DAPK1: variants seen among roughly 807,000 people sequenced by gnomAD.
DAPK1 encodes death-associated protein kinase 1.
Under a neutral mutation model 144.9 loss-of-function variants are expected in DAPK1, and 56 were observed. The ratio of observed to expected loss-of-function variants is 0.39; its 90% confidence interval spans 0.31 to 0.48. The LOEUF is 0.48. Ranked by LOEUF, DAPK1 falls within the 20% of genes least tolerant of loss-of-function variation. The pLI is 0.95. For synonymous variants in DAPK1, 690 were observed against 749.0 expected, an observed-to-expected ratio of 0.92 and a Z score of 1.29; for missense variants, 1,454 against 1,875.4, an observed-to-expected ratio of 0.78 and a Z score of 4.15.
chr9:87,524,417 G>C (rs930981516), intron 2 of DAPK1, among the ~76,000 whole-genome samples: 1 of 152,186 alleles, frequency 6.6e-6, no homozygotes. Context: ...GATCAGTTCT[G>C]TGTGTTCCCT....
intron 2 of DAPK1, among the ~76,000 whole-genome samples, chr9:87,516,465 C>T (rs1297062508): frequency 1.3e-5 from 2 of 152,108 alleles, no homozygotes; most frequent in Non-Finnish European, 2.9e-5. Context: ...GCTATCTGAC[C>T]TTGCTTCCCC....
chr9:87,596,897 G>A (rs1828336745), intron 2 of DAPK1, among the ~76,000 whole-genome samples: 1 of 152,170 alleles, frequency 6.6e-6, no homozygotes, highest in Non-Finnish European at 1.5e-5. Flanking sequence ...AGGGGGTTTT[G>A]CCTGGGTCTC....
intron 4 of DAPK1, among the ~76,000 whole-genome samples, chr9:87,638,568 C>T (rs1829982602): frequency 6.6e-6 from 1 of 152,208 alleles, no homozygotes; most frequent in South Asian, 2.1e-4. Context: ...TGTAAGCCGT[C>T]CTCCCAGCCA....
chr9:87,701,861 T>C (rs745910945), intron 24 of DAPK1: 15 of 470,318 alleles, frequency 3.2e-5, no homozygotes, highest in South Asian at 2.2e-4. Flanking sequence ...ACACCAGATA[T>C]CCTCGTTGGG....
intron 3 of DAPK1, among the ~76,000 whole-genome samples, chr9:87,617,472 G>C (rs1829136947): frequency 6.6e-6 from 1 of 152,112 alleles, no homozygotes; most frequent in African/African-American, 2.4e-5. Context: ...CGTTTATAAT[G>C]GATGCAATGG....
intron 2 of DAPK1, among the ~76,000 whole-genome samples, chr9:87,509,278 G>A (rs1490272695): frequency 6.6e-6 from 1 of 152,180 alleles, no homozygotes; most frequent in African/African-American, 2.4e-5. Context: ...AAGGCAAAAA[G>A]CGCTAAAAAG....
intron 10 of DAPK1, 137 bp from the exon 11 acceptor site, chr9:87,643,239 G>A (rs1010028478): frequency 5.1e-6 from 3 of 582,926 alleles, no homozygotes; most frequent in East Asian, 2.8e-5. Flanking sequence ...AGTGTGTGCT[G>A]ATAGCAATGA....
intron 21 of DAPK1, among the ~76,000 whole-genome samples, chr9:87,694,099 G>A (rs912919887): frequency 6.6e-6 from 1 of 152,200 alleles, no homozygotes; most frequent in Non-Finnish European, 1.5e-5. Flanking sequence ...CAGGTGGGTA[G>A]TCAGGTTCTC....
At chr9:87,702,448 T>C (rs181373950) in intron 24 of DAPK1, among the ~76,000 whole-genome samples, 122 of 152,296 alleles carry the variant, frequency 8.0e-4, no homozygotes, top group African/African-American at 2.9e-3. Context: ...CTAATATTGA[T>C]GATGATACTC....
At chr9:87,498,737 G>C in intron 1 of DAPK1, 1 of 431,844 alleles carries the variant, frequency 2.3e-6, no homozygotes, top group Admixed American at 3.8e-5. Flanking sequence ...CAGCGTTTGG[G>C]GACGCCGACC....
Position 87,632,141 on chromosome 9 carries a change from C to T in DAPK1, c.285-5802C>T, listed in dbSNP as rs954283291. 10 of 728,676 alleles carry T rather than the reference C, an allele frequency of 1.4e-5. No homozygotes were observed. In the Admixed American group the frequency reaches 3.3e-4, roughly 24 times the overall value. 45.1% of individuals were successfully genotyped at this position (728,676 alleles called of 1,614,324 possible). ...GTGTGTGTATATATATATAAAATAC[C>T]AGATGGGTATGTATGTATGTAGAGA... is the stretch of plus-strand genomic sequence containing the variant. On this transcript the variant is annotated intron_variant, in intron 3 of 25. Transcript: ENST00000408954.
Position 87,608,470 on chromosome 9 carries a change from A to T in DAPK1, c.284+3295A>T, listed in dbSNP as rs564819005. 2.6e-5 allele frequency among the ~76,000 whole-genome samples: 4 copies of T among 152,252 alleles called. No individual in the cohort carries two copies. The South Asian group carries it at 6.2e-4, about 24-fold the overall frequency. The stretch of plus-strand genomic sequence containing the variant: ...GACTTGTGTGTGGGCATAGGTTTTT[A>T]TTTCTCTTCAGTAAATACCTAGAGA... On this transcript the variant is annotated intron_variant, in intron 3 of 25. Transcript: ENST00000408954.
chr9:87,570,514 C>T (rs1030323474), intron 2 of DAPK1, among the ~76,000 whole-genome samples: 2 of 152,080 alleles, frequency 1.3e-5, no homozygotes, highest in Non-Finnish European at 2.9e-5. Flanking sequence ...CCATTCTTTT[C>T]ATTATTTTGT....
At chr9:87,498,928 G>A in intron 1 of DAPK1, 42 bp from the exon 2 acceptor site, 1 of 605,492 alleles carries the variant, frequency 1.7e-6, no homozygotes, top group Non-Finnish European at 3.0e-6. Flanking sequence ...TTTTGGGGTT[G>A]CCATTTTACT....
At chr9:87,656,477 C>G (rs1830632624) in intron 17 of DAPK1, among the ~76,000 whole-genome samples, 1 of 152,224 alleles carries the variant, frequency 6.6e-6, no homozygotes, top group Admixed American at 6.5e-5. Context: ...ATTGCATCTT[C>G]TAAACATTTC....
chr9:87,556,988 G>A (rs1037874688), intron 2 of DAPK1, among the ~76,000 whole-genome samples: 6 of 152,182 alleles, frequency 3.9e-5, no homozygotes, highest in Non-Finnish European at 8.8e-5. Flanking sequence ...GAGGTGGGCA[G>A]TTGACCTTCG....
At chr9:87,610,971 C>G (rs1216451435) in intron 3 of DAPK1, among the ~76,000 whole-genome samples, 2 of 152,098 alleles carry the variant, frequency 1.3e-5, no homozygotes. Flanking sequence ...CTTTATCTAG[C>G]ACATACTTTA....
intron 2 of DAPK1, among the ~76,000 whole-genome samples, chr9:87,542,855 A>G (rs1162375265): frequency 1.3e-5 from 2 of 152,218 alleles, no homozygotes; most frequent in Non-Finnish European, 1.5e-5. Context: ...GCCCACATGC[A>G]TGCCTCACAC....
chr9:87,616,371 A>C (rs1829097132), intron 3 of DAPK1, among the ~76,000 whole-genome samples: 1 of 152,180 alleles, frequency 6.6e-6, no homozygotes, highest in African/African-American at 2.4e-5. Flanking sequence ...CATGGATGTC[A>C]AGTCCAGATA....
Sources: gnomAD v4.1 joint callset for allele counts (sites outside exome capture counted in the v4.1 genomes callset) on GRCh38, gnomAD v4.1.1 for gene constraint, MANE v1.5 for transcripts, NCBI Gene and HGNC (gene_info 2026-07-23, HGNC 2026-07-21) for gene names.